The following THSD4 variants were observed in gnomAD, a reference collection of about 807,000 sequenced individuals.
THSD4 encodes the protein thrombospondin type 1 domain containing 4, also known as thrombospondin type-1 domain-containing protein 4.
Under a neutral mutation model 119.0 loss-of-function variants are expected in THSD4, and 69 were observed. That is an observed-to-expected ratio of 0.58 (90% CI 0.48 to 0.71). THSD4 has a LOEUF of 0.71. Ranked by LOEUF, THSD4 falls within the 30% of genes least tolerant of loss-of-function variation. The pLI, the probability that THSD4 is intolerant of heterozygous loss-of-function variation, is 0.00. For missense variants in THSD4, 1,393 were observed against 1,391.1 expected, an observed-to-expected ratio of 1.00 and a Z score of -0.02; for synonymous variants, 524 against 540.4, an observed-to-expected ratio of 0.97 and a Z score of 0.42.
intron 7 of THSD4, among the ~76,000 whole-genome samples, chr15:71,498,798 C>A (rs1423202783): frequency 6.6e-6 from 1 of 151,836 alleles, no homozygotes; most frequent in Non-Finnish European, 1.5e-5. Flanking sequence ...TGGGCTCAAA[C>A]AATCCTCCTA....
intron 8 of THSD4, among the ~76,000 whole-genome samples, chr15:71,679,898 G>A (rs2051739073): frequency 6.6e-6 from 1 of 152,216 alleles, no homozygotes; most frequent in African/African-American, 2.4e-5. Context: ...TGCTATGTCA[G>A]TGGGCTCTGT....
chr15:71,270,143 G>T (rs2044511587), intron 6 of THSD4, among the ~76,000 whole-genome samples: 1 of 152,102 alleles, frequency 6.6e-6, no homozygotes. Context: ...ATATAGCCAA[G>T]ACAATCTTAA....
At chr15:71,310,210 A>G (rs575752420) in intron 6 of THSD4, among the ~76,000 whole-genome samples, 1 of 152,226 alleles carries the variant, frequency 6.6e-6, no homozygotes, top group Admixed American at 6.5e-5. Flanking sequence ...ATCAGCACAG[A>G]CCTTATGATT....
At chr15:71,129,197 C>G (rs2040481279) in intron 1 of THSD4, among the ~76,000 whole-genome samples, 1 of 152,182 alleles carries the variant, frequency 6.6e-6, no homozygotes, top group Admixed American at 6.5e-5. Flanking sequence ...CTTGGGCCAT[C>G]AGCAGCAGGA....
At chr15:71,168,965 A>T (rs1056341311) in intron 3 of THSD4, among the ~76,000 whole-genome samples, 2 of 152,236 alleles carry the variant, frequency 1.3e-5, no homozygotes, top group African/African-American at 4.8e-5. Context: ...ACTACATTCG[A>T]GTCGAGGTTG....
intron 7 of THSD4, among the ~76,000 whole-genome samples, chr15:71,471,314 G>A (rs1413265649): frequency 6.6e-6 from 1 of 152,166 alleles, no homozygotes; most frequent in Admixed American, 6.5e-5. Context: ...GACTCATGGA[G>A]GGGAGGGACA....
chr15:71,442,568 C>CAAAA lies in THSD4; in HGVS notation c.1152+30754_1152+30757dup, dbSNP rs71154770. The stretch of plus-strand genomic sequence containing the variant: ...TGGGCAACAGAGCAAAACTCCATCT[C>CAAAA]AAAAAAAAAAAATATATATATATAT... On this transcript the variant is annotated intron_variant, in intron 7 of 17. Coordinates refer to ENST00000261862, the MANE Select transcript of THSD4 (RefSeq NM_024817.3). Among the ~76,000 whole-genome samples, 140 of 33,470 alleles carry CAAAA rather than the reference C, an allele frequency of 4.2e-3. 9 individuals carry two copies. Among genetic ancestry groups the CAAAA allele is most frequent in the African/African-American group, 0.01 (107 of 10,398 alleles). 22.0% of individuals were successfully genotyped at this position (33,470 alleles called of 152,430 possible). A position where few individuals can be genotyped will look rare whatever the true frequency, so the allele number is the denominator to read the frequency against.
chr15:71,452,968 T>G (rs1279146810), intron 7 of THSD4, among the ~76,000 whole-genome samples: 2 of 152,140 alleles, frequency 1.3e-5, no homozygotes, highest in Admixed American at 6.5e-5. Context: ...TGTGATGAAA[T>G]TGGTGCTCTT....
intron 3 of THSD4, among the ~76,000 whole-genome samples, chr15:71,204,594 G>A (rs919627229): frequency 2.0e-5 from 3 of 152,044 alleles, no homozygotes; most frequent in Non-Finnish European, 4.4e-5. Context: ...GGAAACTGAG[G>A]TCCCGAGCCA....
At chr15:71,709,013 G>C (rs2052452430) in intron 8 of THSD4, among the ~76,000 whole-genome samples, 1 of 152,236 alleles carries the variant, frequency 6.6e-6, no homozygotes, top group Non-Finnish European at 1.5e-5. Context: ...GGACTGTGCA[G>C]TTACGTGGGA....
intron 7 of THSD4, among the ~76,000 whole-genome samples, chr15:71,470,697 GCA>G (rs2047565436): frequency 6.6e-6 from 1 of 151,506 alleles, no homozygotes; most frequent in African/African-American, 2.4e-5. Context: ...CTGCAGTGGC[GCA>G]ATCTCGGCTC....
chr15:71,262,825 C>T (rs4777352), intron 6 of THSD4, among the ~76,000 whole-genome samples: 118,086 of 152,096 alleles, frequency 0.78, 46,238 homozygotes, highest in East Asian at 0.99. Context: ...TCACCTTCCA[C>T]GTGTAAGGGT....
chr15:71,511,734 A>T (rs947525471), intron 7 of THSD4, among the ~76,000 whole-genome samples: 1 of 152,198 alleles, frequency 6.6e-6, no homozygotes, highest in African/African-American at 2.4e-5. Context: ...AATTATAATG[A>T]GGTTTTACAA....
intron 3 of THSD4, among the ~76,000 whole-genome samples, chr15:71,172,745 G>C (rs1414032329): frequency 2.0e-4 from 17 of 86,232 alleles, no homozygotes; most frequent in African/African-American, 7.8e-4. Context: ...GTGGACAATT[G>C]ATTTTTTATA....
chr15:71,573,479 G>A (rs994097201), intron 7 of THSD4, among the ~76,000 whole-genome samples: 3 of 152,152 alleles, frequency 2.0e-5, no homozygotes, highest in Non-Finnish European at 4.4e-5. Flanking sequence ...ATTGGCCAAA[G>A]GAATGTTTCT....
intron 6 of THSD4, among the ~76,000 whole-genome samples, chr15:71,388,126 A>G (rs962209714): frequency 2.6e-5 from 4 of 152,248 alleles, no homozygotes; most frequent in African/African-American, 9.6e-5. Context: ...ACAAGAACTT[A>G]CTTTACCTTC....
At chr15:71,467,933 C>T (rs112896331) in intron 7 of THSD4, among the ~76,000 whole-genome samples, 2,656 of 151,848 alleles carry the variant, frequency 0.017, 54 homozygotes, top group South Asian at 0.067. Flanking sequence ...ACTGCAACCT[C>T]CATCTCCCAG....
chr15:71,165,001 A>AG (rs2043281815), intron 3 of THSD4: 1 of 1,588,114 alleles, frequency 6.3e-7, no homozygotes, highest in Admixed American at 1.7e-5. Context: ...GCTGCTTGTC[A>AG]TCTGCAGCAG....
intron 7 of THSD4, among the ~76,000 whole-genome samples, chr15:71,527,708 C>CTTTTTTTTTTTTTTTT (rs10635101): frequency 3.8e-5 from 3 of 79,746 alleles, no homozygotes; most frequent in Non-Finnish European, 7.4e-5. Context: ...TGTTTATCCT[C>CTTTTTTTTTTTTTTTT]TTTTTTTTTT....
Sources: allele counts gnomAD v4.1 joint callset (sites outside exome capture counted in the v4.1 genomes callset), GRCh38; gene constraint gnomAD v4.1.1; transcripts MANE v1.5; gene names NCBI Gene and HGNC (gene_info 2026-07-23, HGNC 2026-07-21).